The following STUM variants were observed in gnomAD, a reference collection of about 807,000 sequenced individuals.
STUM encodes the protein protein stum homolog.
A neutral mutation model predicts 15.3 loss-of-function variants in STUM; 8 were observed. The observed-to-expected ratio is 0.52, with a 90% CI of 0.31 to 0.94. The LOEUF is 0.94. Ranked by LOEUF, STUM falls within the 40% of genes least tolerant of loss-of-function variation. The probability of loss-of-function intolerance (pLI) is 0.05; values close to 1 mark genes in which losing one functional copy is unlikely to be tolerated. For synonymous variants in STUM, 78 were observed against 88.7 expected, an observed-to-expected ratio of 0.88 and a Z score of 0.68; for missense variants, 142 against 204.9, an observed-to-expected ratio of 0.69 and a Z score of 1.87.
intron 1 of STUM, among the ~76,000 whole-genome samples, chr1:226,585,104 G>T (rs1458682646): frequency 6.6e-6 from 1 of 152,230 alleles, no homozygotes; most frequent in Non-Finnish European, 1.5e-5. Flanking sequence ...CCACACTGCG[G>T]CATAGGGATG....
intron 1 of STUM, among the ~76,000 whole-genome samples, chr1:226,570,846 G>A (rs1008247755): frequency 6.6e-6 from 1 of 152,040 alleles, no homozygotes; most frequent in African/African-American, 2.4e-5. Flanking sequence ...CAGAATAATG[G>A]TTTTTTTAAA....
rs150026725 is a variant in STUM, at chr1:226,582,368, G to C, written c.203-14434G>C. ...AGAACTTTGGGAGGCCGAGGCAGGT[G>C]GATCCCCTGAGGTCAGGAGTTCGAG... On this transcript the variant is annotated intron_variant, in intron 1 of 3. Transcript: ENST00000366788. Among the ~76,000 whole-genome samples the C allele has an allele frequency of 0.019, 2,885 of 152,280 alleles. 159 individuals carry two copies. The East Asian group carries it at 0.23, about 12-fold the overall frequency.
chr1:226,602,231 C>A lies in STUM; in HGVS notation c.*191C>A. The stretch of plus-strand genomic sequence containing the variant: ...CTCAGCAGGTTGTGAGGGCTGCCAG[C>A]CCCTCCTGCTCTGGAAAGCACTGTG... On this transcript the variant is annotated 3_prime_UTR_variant, in exon 4 of 4. Coordinates refer to ENST00000366788, the MANE Select transcript of STUM (RefSeq NM_001003665.4). The A allele has an allele frequency of 1.7e-6, 1 of 587,268 alleles. No individual in the cohort carries two copies. The highest frequency in any genetic ancestry group is 3.0e-6 in the Non-Finnish European group (1 of 329,884). 36.4% of individuals were successfully genotyped at this position (587,268 alleles called of 1,614,324 possible). A position where few individuals can be genotyped will look rare whatever the true frequency, so the allele number is the denominator to read the frequency against.
chr1:226,569,896 A>G (rs975798162), intron 1 of STUM, among the ~76,000 whole-genome samples: 2 of 152,164 alleles, frequency 1.3e-5, no homozygotes, highest in Non-Finnish European at 2.9e-5. Context: ...ATTTGGTTTG[A>G]AGCATTTTTA....
rs951113404 is a variant in STUM at position 226,608,814 on chromosome 1, C to T, written c.*6774C>T. On this transcript the variant is annotated 3_prime_UTR_variant, in exon 4 of 4. Coordinates refer to ENST00000366788, the MANE Select transcript of STUM (RefSeq NM_001003665.4). The surrounding 1 kb of genome is among the most constrained non-coding windows in gnomAD (Gnocchi z 4.0). ...TGGCCGGAACCCTGCAGCCTGGGGC[C>T]CCAGCCCGCCTGCAGCTCAGCTTTC... 1.3e-5 allele frequency: 2 copies of T among 152,308 alleles called. No homozygotes were observed. Among genetic ancestry groups the T allele is most frequent in the East Asian group, 1.9e-4 (1 of 5,190 alleles). 9.4% of individuals were successfully genotyped at this position (152,308 alleles called of 1,614,324 possible). A position where few individuals can be genotyped will look rare whatever the true frequency, so the allele number is the denominator to read the frequency against.
chr1:226,595,638 T>C (rs7523945), intron 1 of STUM, among the ~76,000 whole-genome samples: 45,980 of 152,146 alleles, frequency 0.3, 7,404 homozygotes, highest in Middle Eastern at 0.45. Context: ...GGGGAGAGCA[T>C]CCTGGATTAC....
Position 226,605,338 on chromosome 1 carries a change from C to G in STUM, c.*3298C>G, listed in dbSNP as rs1409304285. On this transcript the variant is annotated 3_prime_UTR_variant, in exon 4 of 4. Coordinates refer to ENST00000366788, the MANE Select transcript of STUM (RefSeq NM_001003665.4). The surrounding 1 kb of genome is among the most constrained non-coding windows in gnomAD (Gnocchi z 4.0). ...CTCCGAGAGAGTAAGTCATGTGCCC[C>G]CAAACACTCAGCTCCTAAGTGGCAG... 2 of 152,560 alleles carry G rather than the reference C, an allele frequency of 1.3e-5. No individual in the cohort carries two copies. Among genetic ancestry groups the G allele is most frequent in the South Asian group, 4.1e-4 (2 of 4,848 alleles). 9.5% of individuals were successfully genotyped at this position (152,560 alleles called of 1,614,324 possible). A position where few individuals can be genotyped will look rare whatever the true frequency, so the allele number is the denominator to read the frequency against.
intron 1 of STUM, among the ~76,000 whole-genome samples, chr1:226,568,201 CTGATTTG>C (rs1469868984): frequency 2.0e-5 from 3 of 152,212 alleles, no homozygotes; most frequent in African/African-American, 7.2e-5. Flanking sequence ...GCAGCTGCTG[CTGATTTG>C]TGATTTGTCA....
At chr1:226,597,981 A>T (rs908729614) in intron 2 of STUM, among the ~76,000 whole-genome samples, 5 of 152,208 alleles carry the variant, frequency 3.3e-5, no homozygotes, top group Admixed American at 3.3e-4. Context: ...GCTGGGAAGC[A>T]GCAGGGAAGC....
At chr1:226,551,385 G>A (rs983521827) in intron 1 of STUM, among the ~76,000 whole-genome samples, 1 of 152,222 alleles carries the variant, frequency 6.6e-6, no homozygotes, top group Non-Finnish European at 1.5e-5. Flanking sequence ...CCACTCAGAA[G>A]CAAAGGCTCT....
At chr1:226,585,304 A>G (rs1218517276) in intron 1 of STUM, among the ~76,000 whole-genome samples, 1 of 152,146 alleles carries the variant, frequency 6.6e-6, no homozygotes, top group African/African-American at 2.4e-5. Context: ...CTGCTCCAGC[A>G]CTGCCTCCTC....
In STUM at chr1:226,600,629, T is replaced by A. The variant is rs1413395245; in HGVS notation, c.383-37T>A. 1.2e-6 allele frequency: 2 copies of A among 1,610,208 alleles called. No individual in the cohort carries two copies. The highest frequency in any genetic ancestry group is 8.5e-7 in the Non-Finnish European group (1 of 1,179,818). On this transcript the variant is annotated intron_variant, in intron 2 of 3. Coordinates refer to ENST00000366788, the MANE Select transcript of STUM (RefSeq NM_001003665.4). This position sits in a 1 kb window ranked among gnomAD's most constrained non-coding sequence, Gnocchi z 5.2. ...GTGTTTTCTCTTCTTCTCTCTCTCC[T>A]CTTCCTCCTGCTGCCTCCCACTCTG...
At chr1:226,593,595 C>A (rs1668124550) in intron 1 of STUM, among the ~76,000 whole-genome samples, 1 of 152,160 alleles carries the variant, frequency 6.6e-6, no homozygotes, top group African/African-American at 2.4e-5. Context: ...TCTACAGAGA[C>A]TCCAGAGTTG....
At chr1:226,570,409 A>T (rs1171236412) in intron 1 of STUM, among the ~76,000 whole-genome samples, 3 of 152,168 alleles carry the variant, frequency 2.0e-5, no homozygotes, top group African/African-American at 7.2e-5. Context: ...GCCCAAAACC[A>T]CCCTGTAAAA....
intron 1 of STUM, among the ~76,000 whole-genome samples, chr1:226,592,976 A>T (rs1668113202): frequency 6.6e-6 from 1 of 152,218 alleles, no homozygotes; most frequent in South Asian, 2.1e-4. Flanking sequence ...ACTTGAGGTC[A>T]GAAGTTTGAG....
At chr1:226,575,313 G>C (rs1055883975) in intron 1 of STUM, among the ~76,000 whole-genome samples, 2 of 152,250 alleles carry the variant, frequency 1.3e-5, no homozygotes, top group Admixed American at 1.3e-4. Flanking sequence ...TAGATAGTGT[G>C]GTGGGAATGC....
chr1:226,583,590 C>T (rs1667950889), intron 1 of STUM, among the ~76,000 whole-genome samples: 1 of 152,136 alleles, frequency 6.6e-6, no homozygotes, highest in African/African-American at 2.4e-5. Context: ...TCCTGTCCAC[C>T]TAGAAAGGTC....
chr1:226,586,955 C>T (rs897564389), intron 1 of STUM, among the ~76,000 whole-genome samples: 1 of 152,172 alleles, frequency 6.6e-6, no homozygotes, highest in Non-Finnish European at 1.5e-5. Context: ...CTCAGTTCAC[C>T]CTCTAGCACT....
At chr1:226,585,593 A>G (rs1460896841) in intron 1 of STUM, among the ~76,000 whole-genome samples, 1 of 152,138 alleles carries the variant, frequency 6.6e-6, no homozygotes, top group Non-Finnish European at 1.5e-5. Context: ...CTGATGCCAG[A>G]GCTCACCTTT....
Sources: allele counts gnomAD v4.1 joint callset (sites outside exome capture counted in the v4.1 genomes callset), GRCh38; gene constraint gnomAD v4.1.1; non-coding constraint Gnocchi (gnomAD v3.1); transcripts MANE v1.5; gene names NCBI Gene and HGNC (gene_info 2026-07-23, HGNC 2026-07-21).